Variants in AHCYL2 observed in about 807,000 individuals in gnomAD.
AHCYL2 encodes S-adenosylhomocysteine hydrolase-like protein 2.
Under a neutral mutation model 81.4 loss-of-function variants are expected in AHCYL2, and 28 were observed. The observed-to-expected ratio is 0.34, with a 90% CI of 0.25 to 0.47. AHCYL2 has a LOEUF of 0.47. AHCYL2 is among the 20% of genes least tolerant of loss of function. The pLI is 1.00. For missense variants in AHCYL2, 551 were observed against 785.1 expected, an observed-to-expected ratio of 0.70 and a Z score of 3.56; for synonymous variants, 272 against 290.2, an observed-to-expected ratio of 0.94 and a Z score of 0.64.
At chr7:129,335,859 T>C (rs1798581549) in intron 1 of AHCYL2, among the ~76,000 whole-genome samples, 1 of 152,100 alleles carries the variant, frequency 6.6e-6, no homozygotes, top group Non-Finnish European at 1.5e-5. Flanking sequence ...ACTGTATTGG[T>C]TGAAGCAGAT....
chr7:129,320,632 A>G (rs2150787390), intron 1 of AHCYL2, among the ~76,000 whole-genome samples: 1 of 152,280 alleles, frequency 6.6e-6, no homozygotes, highest in Admixed American at 6.5e-5. Flanking sequence ...TTTTAAAAAA[A>G]TTGAGATATA....
chr7:129,307,338 C>T (rs1797477873), intron 1 of AHCYL2, among the ~76,000 whole-genome samples: 1 of 152,132 alleles, frequency 6.6e-6, no homozygotes, highest in Non-Finnish European at 1.5e-5. Context: ...CCTTCCTATT[C>T]TTCCCTACCC....
chr7:129,263,972 C>T (rs1270946574), intron 1 of AHCYL2, among the ~76,000 whole-genome samples: 1 of 152,156 alleles, frequency 6.6e-6, no homozygotes, highest in Non-Finnish European at 1.5e-5. Context: ...TGGTGCCATT[C>T]ACCAACATAA....
intron 1 of AHCYL2, among the ~76,000 whole-genome samples, chr7:129,316,096 G>A (rs547392839): frequency 6.6e-6 from 1 of 152,264 alleles, no homozygotes; most frequent in Non-Finnish European, 1.5e-5. Flanking sequence ...TGCTATTCTG[G>A]GCAGCTAACA....
Position 129,397,331 on chromosome 7 carries a change from G to C in AHCYL2, c.823+7G>C. On this transcript the variant is annotated splice_region_variant and intron_variant, in intron 5 of 16. Transcript: ENST00000325006. ...GCTGCTCTAGCAGAAAGTGGTAAGA[G>C]CTTATTCTCTGTGCCTTTGGCTAAA... The C allele has an allele frequency of 6.2e-7, 1 of 1,613,224 alleles. No individual in the cohort carries two copies. The highest frequency in any genetic ancestry group is 1.1e-5 in the South Asian group (1 of 90,914).
chr7:129,264,681 A>G (rs1253653772), intron 1 of AHCYL2, among the ~76,000 whole-genome samples: 1 of 152,174 alleles, frequency 6.6e-6, no homozygotes, highest in Non-Finnish European at 1.5e-5. Flanking sequence ...TGCTTAGCTG[A>G]GTTAGAATGG....
At chr7:129,255,580 G>GTA (rs1795388625) in intron 1 of AHCYL2, among the ~76,000 whole-genome samples, 1 of 152,214 alleles carries the variant, frequency 6.6e-6, no homozygotes, top group African/African-American at 2.4e-5. Context: ...GTGTGTGTGT[G>GTA]TATGTGCGTG....
chr7:129,406,216 G>A lies in AHCYL2; in HGVS notation c.1207-162G>A, dbSNP rs755024328. ...AAGCAGGAGCCAGGGGTTTGTTTAT[G>A]AGCTGCATTCAATTATTTGTTCTTC... On this transcript the variant is annotated intron_variant, in intron 9 of 16. Transcript: ENST00000325006. The surrounding 1 kb of genome is among the most constrained non-coding windows in gnomAD (Gnocchi z 4.3). Among the ~76,000 whole-genome samples, 3 of 151,942 alleles carry A rather than the reference G, an allele frequency of 2.0e-5. No individual in the cohort carries two copies. The highest frequency in any genetic ancestry group is 4.4e-5 in the Non-Finnish European group (3 of 68,010).
At chr7:129,263,041 C>T (rs748001538) in intron 1 of AHCYL2, among the ~76,000 whole-genome samples, 7 of 152,092 alleles carry the variant, frequency 4.6e-5, no homozygotes, top group African/African-American at 1.4e-4. Context: ...GGAGTATCAC[C>T]GAAGGGTTTT....
chr7:129,375,052 G>A (rs536262242), intron 1 of AHCYL2, among the ~76,000 whole-genome samples: 2 of 152,210 alleles, frequency 1.3e-5, no homozygotes, highest in South Asian at 4.1e-4. Context: ...GGGGGACTCT[G>A]AGGAGATAAG....
At chr7:129,315,143 G>A (rs1169190975) in intron 1 of AHCYL2, among the ~76,000 whole-genome samples, 1 of 151,982 alleles carries the variant, frequency 6.6e-6, no homozygotes, top group East Asian at 1.9e-4. Context: ...TATTGCAGCT[G>A]ACACCTGACA....
At chr7:129,330,532 G>T (rs529285515) in intron 1 of AHCYL2, among the ~76,000 whole-genome samples, 1 of 145,616 alleles carries the variant, frequency 6.9e-6, no homozygotes, top group African/African-American at 2.6e-5. Context: ...GTGCAGTGTC[G>T]CCATCCCAGC....
chr7:129,284,514 G>A (rs1006526015), intron 1 of AHCYL2, among the ~76,000 whole-genome samples: 7 of 150,984 alleles, frequency 4.6e-5, no homozygotes, highest in East Asian at 1.9e-4. Flanking sequence ...CAGGAGAATC[G>A]CTGGAACCCA....
At position 129,313,507 on chromosome 7, in the gene AHCYL2, A is replaced by G. The variant is rs61318618; in HGVS notation, c.364-66131A>G. Reference sequence around the variant, plus strand: ...TTAGCTCAGGTGTAGAAACAGAGAAAGTTGACAGTGTTTTTTGCTGTGTAG... The same window carrying G: ...TTAGCTCAGGTGTAGAAACAGAGAAGGTTGACAGTGTTTTTTGCTGTGTAG... On this transcript the variant is annotated intron_variant, in intron 1 of 16. Transcript: ENST00000325006. Among the ~76,000 whole-genome samples the G allele has an allele frequency of 7.4e-3, 1,134 of 152,324 alleles. 90 individuals are homozygous for G. The East Asian group carries it at 0.18, about 25-fold the overall frequency.
chr7:129,334,044 A>C (rs1023328125), intron 1 of AHCYL2, among the ~76,000 whole-genome samples: 1 of 152,020 alleles, frequency 6.6e-6, no homozygotes, highest in Non-Finnish European at 1.5e-5. Flanking sequence ...ATAGCTGTAT[A>C]ATATTCTGTT....
At chr7:129,319,413 G>A (rs1482527595) in intron 1 of AHCYL2, among the ~76,000 whole-genome samples, 1 of 151,262 alleles carries the variant, frequency 6.6e-6, no homozygotes, top group Non-Finnish European at 1.5e-5. Flanking sequence ...TCACACCACT[G>A]CACTCCAGCC....
chr7:129,263,356 T>C (rs1421898294), intron 1 of AHCYL2, among the ~76,000 whole-genome samples: 1 of 152,214 alleles, frequency 6.6e-6, no homozygotes, highest in Non-Finnish European at 1.5e-5. Flanking sequence ...TTCCTCTTAC[T>C]TCCCAGCGTC....
intron 1 of AHCYL2, among the ~76,000 whole-genome samples, chr7:129,306,800 A>G (rs1797459014): frequency 6.6e-6 from 1 of 152,194 alleles, no homozygotes; most frequent in African/African-American, 2.4e-5. Context: ...CTGCAGCCAT[A>G]TCTGCATTAA....
At chr7:129,415,894 T>C (rs1253739711) in intron 12 of AHCYL2, among the ~76,000 whole-genome samples, 1 of 151,880 alleles carries the variant, frequency 6.6e-6, no homozygotes, top group Non-Finnish European at 1.5e-5. Context: ...CAGAGATTAG[T>C]TGGGCTTGGT....
Sources: allele counts gnomAD v4.1 joint callset (sites outside exome capture counted in the v4.1 genomes callset), GRCh38; gene constraint gnomAD v4.1.1; non-coding constraint Gnocchi (gnomAD v3.1); transcripts MANE v1.5; gene names NCBI Gene and HGNC (gene_info 2026-07-23, HGNC 2026-07-21).